PCMT1: variants seen among roughly 807,000 people sequenced by gnomAD.
The protein encoded by PCMT1 is protein-L-isoaspartate (D-aspartate) O-methyltransferase, also known as protein-L-isoaspartate(D-aspartate) O-methyltransferase.
In PCMT1, 9 loss-of-function variants were observed where a neutral mutation model predicts 29.2. That is an observed-to-expected ratio of 0.31 (90% CI 0.19 to 0.54). The LOEUF is 0.54. Among genes scored for constraint, PCMT1 ranks in the 20% least tolerant of loss-of-function variants. PCMT1 has a pLI of 0.95. For missense variants in PCMT1, 184 were observed against 282.2 expected (o/e 0.65, Z 2.49); for synonymous variants, 98 against 97.5 (o/e 1.00, Z -0.03).
chr6:149,794,170 A>G (rs970757867), intron 5 of PCMT1, among the ~76,000 whole-genome samples: 1 of 151,808 alleles, frequency 6.6e-6, no homozygotes, highest in African/African-American at 2.4e-5. Context: ...GTCTCTTATT[A>G]TTTCTTAGAA....
intron 7 of PCMT1, among the ~76,000 whole-genome samples, chr6:149,808,420 T>A (rs2115353399): frequency 6.6e-6 from 1 of 152,266 alleles, no homozygotes; most frequent in South Asian, 2.1e-4. Context: ...ATTAGGCTTT[T>A]AAAAAATTGT....
intron 1 of PCMT1, among the ~76,000 whole-genome samples, chr6:149,755,424 C>G (rs1409953485): frequency 2.7e-5 from 4 of 149,446 alleles, no homozygotes; most frequent in African/African-American, 9.9e-5. Flanking sequence ...AATACTTTGT[C>G]TCAAAAAAAA....
chr6:149,805,389 C>T lies in PCMT1; in HGVS notation c.*37+2973C>T, dbSNP rs367982735. On this transcript the variant is annotated intron_variant, in intron 7 of 7. Transcript: ENST00000464889. ...CGGGCAGATCACAAGGTCAGGAGATCGAGACCATCCTGGGTAACATGGCGA... is the reference window on the plus strand; with the variant it reads ...CGGGCAGATCACAAGGTCAGGAGATTGAGACCATCCTGGGTAACATGGCGA... Among the ~76,000 whole-genome samples the T allele has an allele frequency of 1.3e-4, 19 of 150,984 alleles. No homozygotes were observed. The East Asian group carries it at 1.6e-3, about 12-fold the overall frequency.
intron 1 of PCMT1, among the ~76,000 whole-genome samples, chr6:149,757,609 C>T (rs1391003015): frequency 2.0e-5 from 3 of 152,084 alleles, no homozygotes; most frequent in Non-Finnish European, 2.9e-5. Context: ...GAGGGTCAAA[C>T]CAGGACAAAT....
At chr6:149,766,898 C>T (rs930860187) in intron 1 of PCMT1, among the ~76,000 whole-genome samples, 5 of 152,230 alleles carry the variant, frequency 3.3e-5, no homozygotes, top group Admixed American at 6.5e-5. Flanking sequence ...TGGCTTCTTT[C>T]ACTTAGATTA....
chr6:149,768,610 AC>A (rs1303160367), intron 1 of PCMT1, among the ~76,000 whole-genome samples: 1 of 150,852 alleles, frequency 6.6e-6, no homozygotes, highest in African/African-American at 2.4e-5. Flanking sequence ...ACCACCATGC[AC>A]GGCTAGTTTT....
At chr6:149,750,569 G>A (rs1582995894) in intron 1 of PCMT1, among the ~76,000 whole-genome samples, 1 of 152,180 alleles carries the variant, frequency 6.6e-6, no homozygotes, top group African/African-American at 2.4e-5. Context: ...GGAAAGCTCC[G>A]TGCGGGGCGG....
intron 3 of PCMT1, 138 bp from the exon 4 acceptor site, chr6:149,789,816 C>A: frequency 2.1e-6 from 1 of 486,492 alleles, no homozygotes; most frequent in Non-Finnish European, 3.6e-6. Context: ...TAAGTAATAC[C>A]TGGGCAGATA....
At chr6:149,786,755 T>C (rs1294252945) in intron 3 of PCMT1, among the ~76,000 whole-genome samples, 1 of 142,404 alleles carries the variant, frequency 7.0e-6, no homozygotes, top group Non-Finnish European at 1.5e-5. Flanking sequence ...TCTCAGACGA[T>C]GGGCGGCTGA....
intron 1 of PCMT1, among the ~76,000 whole-genome samples, chr6:149,756,489 C>T (rs970858787): frequency 7.2e-6 from 1 of 137,948 alleles, no homozygotes; most frequent in Non-Finnish European, 1.5e-5. Flanking sequence ...ACTGGGACTA[C>T]AGATGCACAC....
intron 3 of PCMT1, among the ~76,000 whole-genome samples, chr6:149,778,074 G>A (rs1396173432): frequency 2.0e-5 from 3 of 151,224 alleles, no homozygotes; most frequent in Admixed American, 6.6e-5. Context: ...ACAGGGTTTC[G>A]TCACGTTGGC....
rs538393066 is a variant in PCMT1, at chr6:149,766,795, C to T, written c.56-4367C>T. Reference sequence around the variant, plus strand: ...CTTTGTAATTAATCTCCTCCCTTCTCCTATCCTCTAGCAACTACAGACGGG... The same window carrying T: ...CTTTGTAATTAATCTCCTCCCTTCTTCTATCCTCTAGCAACTACAGACGGG... On this transcript the variant is annotated intron_variant, in intron 1 of 7. Coordinates refer to ENST00000464889, the MANE Select transcript of PCMT1 (RefSeq NM_001360452.2). 3.3e-5 allele frequency among the ~76,000 whole-genome samples: 5 copies of T among 152,332 alleles called. No individual in the cohort carries two copies. The East Asian group carries it at 9.6e-4, about 29-fold the overall frequency.
intron 1 of PCMT1, among the ~76,000 whole-genome samples, chr6:149,758,226 T>TTTTTTTTTTTC (rs1426060535): frequency 7.0e-6 from 1 of 142,354 alleles, no homozygotes; most frequent in African/African-American, 2.7e-5. Context: ...TTTTTTTTTT[T>TTTTTTTTTTTC]CTGAGACAGA....
At chr6:149,792,301 C>T (rs868233824) in intron 4 of PCMT1, among the ~76,000 whole-genome samples, 2 of 151,522 alleles carry the variant, frequency 1.3e-5, no homozygotes, top group Admixed American at 6.6e-5. Context: ...GCCAACAAAG[C>T]GAGACTTTAT....
chr6:149,757,276 G>C (rs910484282), intron 1 of PCMT1, among the ~76,000 whole-genome samples: 2 of 152,198 alleles, frequency 1.3e-5, no homozygotes, highest in Non-Finnish European at 2.9e-5. Flanking sequence ...ATAGAGAATA[G>C]ATCTGCCATC....
At position 149,786,031 on chromosome 6, in the gene PCMT1, G is replaced by C. The variant is rs543996407; in HGVS notation, c.193-3923G>C. On this transcript the variant is annotated intron_variant, in intron 3 of 7. Coordinates refer to ENST00000464889, the MANE Select transcript of PCMT1 (RefSeq NM_001360452.2). ...TCCCGGACGGGGCGGCTGGCCGGGC[G>C]GGGGGCTGACCCCCCCACCTCCCTC... Among the ~76,000 whole-genome samples the C allele has an allele frequency of 6.3e-3, 914 of 145,784 alleles. 5 individuals carry two copies. Among genetic ancestry groups the C allele is most frequent in the Non-Finnish European group, 0.01 (660 of 65,174 alleles).
At chr6:149,751,608 A>C (rs1400726842) in intron 1 of PCMT1, among the ~76,000 whole-genome samples, 1 of 150,296 alleles carries the variant, frequency 6.7e-6, no homozygotes, top group Non-Finnish European at 1.5e-5. Flanking sequence ...CAGCCTCCTG[A>C]GTGGCTGGGA....
chr6:149,757,679 A>T (rs949583630), intron 1 of PCMT1, among the ~76,000 whole-genome samples: 9 of 152,154 alleles, frequency 5.9e-5, no homozygotes, highest in Non-Finnish European at 1.2e-4. Flanking sequence ...AACAATCAAA[A>T]AGTTGGCTTT....
At position 149,803,799 on chromosome 6, in the gene PCMT1, A is replaced by G. The variant is rs80341229; in HGVS notation, c.*37+1383A>G. ...TTATACGTGGAGCACAGCCACTGGA[A>G]AAAAAAAAAAAAAAAAAAGCATTTT... On this transcript the variant is annotated intron_variant, in intron 7 of 7. Coordinates refer to ENST00000464889, the MANE Select transcript of PCMT1 (RefSeq NM_001360452.2). Among the ~76,000 whole-genome samples, 16 of 39,496 alleles carry G rather than the reference A, an allele frequency of 4.1e-4. No individual in the cohort carries two copies. In the East Asian group the frequency reaches 0.038, roughly 95 times the overall value. The allele number at this position is 39,496 out of a possible 152,430, so 25.9% of individuals were successfully genotyped here.
Sources: allele counts gnomAD v4.1 joint callset (sites outside exome capture counted in the v4.1 genomes callset), GRCh38; gene constraint gnomAD v4.1.1; transcripts MANE v1.5; gene names NCBI Gene and HGNC (gene_info 2026-07-23, HGNC 2026-07-21).